PASK: variants seen among roughly 807,000 people sequenced by gnomAD.
PASK encodes PAS domain-containing serine/threonine-protein kinase.
PASK carries 110 observed loss-of-function variants against 121.0 expected under a neutral mutation model. The ratio of observed to expected loss-of-function variants is 0.91; its 90% CI spans 0.78 to 1.06. The LOEUF is 1.06. PASK is among the 50% of genes least tolerant of loss of function. The pLI, the probability that PASK is intolerant of heterozygous loss-of-function variation, is 0.00. For missense variants in PASK, 1,643 were observed against 1,702.3 expected (o/e 0.97, Z 0.61); for synonymous variants, 686 against 717.8 (o/e 0.96, Z 0.71).
chr2:241,136,795 C>T (rs2066455414), intron 7 of PASK, among the ~76,000 whole-genome samples: 1 of 152,234 alleles, frequency 6.6e-6, no homozygotes, highest in Non-Finnish European at 1.5e-5. Context: ...CCTCTCCCTC[C>T]GACGGTGGTT....
rs2066784323 is a variant in PASK at position 241,143,047 on chromosome 2, C to T, written c.-15G>A. 5 of 1,601,476 alleles carry T rather than the reference C, an allele frequency of 3.1e-6. 1 individual carries two copies. In the South Asian group the frequency reaches 5.5e-5, roughly 18 times the overall value. On this transcript the variant is annotated 5_prime_UTR_variant, in exon 2 of 18. Transcript: ENST00000234040. ...CCGTCCTCCATGGGAAGAAGGGAGG[C>T]CAACTGCCAAGCTTCCAACTCTAAC...
intron 12 of PASK, chr2:241,118,836 A>T (rs1221835819): frequency 1.4e-6 from 1 of 705,082 alleles, no homozygotes; most frequent in Non-Finnish European, 1.8e-6. Context: ...TGGTGTACAC[A>T]CCCCGCACCC....
rs2066053475 is a variant in PASK, at chr2:241,130,031, T to C, written c.1464-2580A>G. On this transcript the variant is annotated intron_variant, in intron 9 of 17. Coordinates refer to ENST00000234040, the MANE Select transcript of PASK (RefSeq NM_015148.4). The stretch of plus-strand genomic sequence containing the variant: ...ACCAGGAGAACTAAAGGAGACAACT[T>C]ACGAGGAAGCACCCAACGTAGTCCC... Among the ~76,000 whole-genome samples, 3 of 152,316 alleles carry C rather than the reference T, an allele frequency of 2.0e-5. No individual in the cohort carries two copies. In the South Asian group the frequency reaches 6.2e-4, roughly 32 times the overall value.
chr2:241,118,771 G>A lies in PASK; in HGVS notation c.3073-3358C>T, dbSNP rs983425505. On this transcript the variant is annotated intron_variant, in intron 12 of 17. Coordinates refer to ENST00000234040, the MANE Select transcript of PASK (RefSeq NM_015148.4). ...AGCCCAGGGGCTGGCAGGGGCCCAC[G>A]GCGCAGGGCAGACAGCCTGGCCAAG... 9 of 312,178 alleles carry A rather than the reference G, an allele frequency of 2.9e-5. 1 individual carries two copies. The highest frequency in any genetic ancestry group is 1.2e-3 in the Middle Eastern group (1 of 828). 19.3% of individuals were successfully genotyped at this position (312,178 alleles called of 1,614,324 possible). A position where few individuals can be genotyped will look rare whatever the true frequency, so the allele number is the denominator to read the frequency against.
Position 241,108,331 on chromosome 2 carries a change from C to G in PASK, c.3534-31G>C. The G allele has an allele frequency of 6.2e-7, 1 of 1,612,714 alleles. No homozygotes were observed. On this transcript the variant is annotated intron_variant, in intron 15 of 17. Coordinates refer to ENST00000234040, the MANE Select transcript of PASK (RefSeq NM_015148.4). The surrounding 1 kb of genome is among the most constrained non-coding windows in gnomAD (Gnocchi z 5.2). ...AGGAGGAGGAGGCATCAGGACGCCA[C>G]GGCACTCAGCGCAGGCTTGCCAAGC...
intron 12 of PASK, among the ~76,000 whole-genome samples, chr2:241,121,553 G>A (rs930711306): frequency 2.6e-5 from 4 of 152,034 alleles, no homozygotes; most frequent in African/African-American, 7.3e-5. Context: ...AAACATCAAC[G>A]GTATAAACAC....
rs960813374 is a variant in PASK, at chr2:241,126,702, G to A, written c.2213C>T (p.Ser738Leu). 24 of 1,614,044 alleles carry A rather than the reference G, an allele frequency of 1.5e-5. No homozygotes were observed. The highest frequency in any genetic ancestry group is 2.2e-5 in the East Asian group (1 of 44,894). ...GAGTTCCTTGAGGTTCCAGGAAAAC[G>A]AATTCACATCAACCTCCTGGGCCTC... ...AVEAQEVDVN[S>L]FSWNLKELFF... The change falls in exon 10 of 18, where the codon TCG becomes TTG. Residue 738 changes from serine to leucine, a missense_variant. Around this residue, in one of 3 missense-constraint regions of PASK, gnomAD observed 1,176 missense variants for 1,162.2 expected, o/e 1.01. Transcript: ENST00000234040.
rs201713486 is a variant in PASK at position 241,122,916 on chromosome 2, G to A, written c.2905-17C>T. 6.2e-7 allele frequency: 1 copy of A among 1,612,832 alleles called. No homozygotes were observed. The highest frequency in any genetic ancestry group is 1.7e-5 in the Admixed American group (1 of 59,960). The stretch of plus-strand genomic sequence containing the variant: ...TCTGAGCACCTGCAATGCAGAAGAA[G>A]GTCTGTGGGGTCACATGCAACTGCA... On this transcript the variant is annotated splice_polypyrimidine_tract_variant and intron_variant, in intron 11 of 17. Coordinates refer to ENST00000234040, the MANE Select transcript of PASK (RefSeq NM_015148.4).
intron 12 of PASK, among the ~76,000 whole-genome samples, chr2:241,120,506 A>G (rs2065561800): frequency 6.6e-6 from 1 of 150,930 alleles, no homozygotes; most frequent in African/African-American, 2.4e-5. Flanking sequence ...AGAAAAAAAA[A>G]ATGGGCAAAG....
intron 8 of PASK, among the ~76,000 whole-genome samples, chr2:241,135,349 T>C (rs2125444491): frequency 6.6e-6 from 1 of 152,072 alleles, no homozygotes; most frequent in East Asian, 1.9e-4. Flanking sequence ...CACCCTCAAG[T>C]CCCACAGCCC....
intron 9 of PASK, 143 bp downstream of exon 9, chr2:241,132,731 G>T (rs1055312953): frequency 2.7e-6 from 2 of 737,676 alleles, no homozygotes; most frequent in East Asian, 5.4e-5. Flanking sequence ...AGTGTGTGTG[G>T]AAGAGAGCAG....
In PASK at chr2:241,106,741, T is replaced by C. The variant is rs1348000394; in HGVS notation, c.3815-18A>G. 4.3e-6 allele frequency: 7 copies of C among 1,612,660 alleles called. No homozygotes were observed. The African/African-American group carries it at 9.4e-5, about 22-fold the overall frequency. On this transcript the variant is annotated intron_variant, in intron 17 of 17. Transcript: ENST00000234040. ...TCCACTTTCTGAAGAAACAAGAAGG[T>C]AACTGTATCACGTGCTAACAACTTA...
chr2:241,132,794 TTCTC>T, intron 9 of PASK, 76 bp downstream of exon 9: 2 of 1,174,630 alleles, frequency 1.7e-6, no homozygotes, highest in Admixed American at 1.7e-5. Context: ...GGCTGAACAT[TTCTC>T]TCTGACTTGT....
rs756130153 is a variant in PASK at position 241,112,109 on chromosome 2, A to T, written c.3533+131T>A. 2.7e-4 allele frequency: 203 copies of T among 760,890 alleles called. No homozygotes were observed. Among genetic ancestry groups the T allele is most frequent in the Non-Finnish European group, 4.2e-4 (181 of 429,324 alleles). The allele number at this position is 760,890 out of a possible 1,614,324, so 47.1% of individuals were successfully genotyped here. On this transcript the variant is annotated intron_variant, in intron 15 of 17. Coordinates refer to ENST00000234040, the MANE Select transcript of PASK (RefSeq NM_015148.4). The surrounding 1 kb of genome is among the most constrained non-coding windows in gnomAD (Gnocchi z 5.2). ...CCTGCCTGCCCACTTACTTTCCAGC[A>T]TATCACCCTGACCACTCAACACTCA... is the stretch of plus-strand genomic sequence containing the variant.
Position 241,106,655 on chromosome 2 carries a change from G to A in PASK, c.3883C>T (p.Gln1295Ter), listed in dbSNP as rs1471606802. Residue 1295 changes from glutamine (Q) to a stop codon, truncating the protein, a stop_gained, in exon 18 of 18, where the codon CAG (glutamine) becomes TAG (stop). Transcript: ENST00000234040. LOFTEE classifies it low-confidence loss of function (END_TRUNC). Reference protein sequence around the residue: ...NRSLSDVAQAQELCGGPVPGE... With the variant: ...NRSLSDVAQA ...GGAACGGGGCCCCCACAAAGCTCCT[G>A]AGCCTGGGCCACATCACTCAGGCTC... 10 of 1,614,084 alleles carry A rather than the reference G, an allele frequency of 6.2e-6. No individual in the cohort carries two copies. The highest frequency in any genetic ancestry group is 8.5e-6 in the Non-Finnish European group (10 of 1,180,014).
upstream of PASK, chr2:241,150,056 T>G: frequency 7.4e-7 from 1 of 1,355,658 alleles, no homozygotes; most frequent in South Asian, 1.6e-5. Flanking sequence ...AGGTCAGGGA[T>G]GCACGTAGGA....
At chr2:241,131,150 A>AT (rs58426249) in intron 9 of PASK, among the ~76,000 whole-genome samples, 1,514 of 141,836 alleles carry the variant, frequency 0.011, 33 homozygotes, top group East Asian at 0.091. Flanking sequence ...CATGTATTAC[A>AT]TTTTTTTTTT....
chr2:241,111,341 A>T (rs2065105336), intron 15 of PASK, among the ~76,000 whole-genome samples: 2 of 152,208 alleles, frequency 1.3e-5, no homozygotes, highest in Admixed American at 1.3e-4. Context: ...GCAGAGGGCC[A>T]GGAGGGTCCA....
chr2:241,115,506 A>G lies in PASK; in HGVS notation c.3073-93T>C, dbSNP rs2065291287. 1.2e-5 allele frequency: 18 copies of G among 1,449,120 alleles called. No homozygotes were observed. The Admixed American group carries it at 2.7e-4, about 22-fold the overall frequency. The allele number at this position is 1,449,120 out of a possible 1,614,324, so 89.8% of individuals were successfully genotyped here. A position where few individuals can be genotyped will look rare whatever the true frequency, so the allele number is the denominator to read the frequency against. On this transcript the variant is annotated intron_variant, in intron 12 of 17. Coordinates refer to ENST00000234040, the MANE Select transcript of PASK (RefSeq NM_015148.4). ...CCACCCAGTCCTCAAGCATCCCATT[A>G]CACCAGGGCCACCCGGTCCTCAAGC...
Sources: gnomAD v4.1 joint callset for allele counts (sites outside exome capture counted in the v4.1 genomes callset) on GRCh38, gnomAD v4.1.1 for gene constraint, gnomAD v4.1.1 regional missense constraint, Gnocchi (gnomAD v3.1) non-coding constraint, MANE v1.5 for transcripts, NCBI Gene and HGNC (gene_info 2026-07-23, HGNC 2026-07-21) for gene names.